The following LRP1 variants were observed in gnomAD, a reference collection of about 807,000 sequenced individuals.
LRP1 encodes the protein prolow-density lipoprotein receptor-related protein 1.
In LRP1, 51 loss-of-function variants were observed where a neutral mutation model predicts 541.5. The observed-to-expected ratio is 0.09, with a 90% confidence interval of 0.08 to 0.12. The LOEUF (loss-of-function observed/expected upper bound fraction) is 0.12, where lower values mean the gene tolerates loss of function less well. LRP1 is among the 10% of genes least tolerant of loss of function. LRP1 has a pLI of 1.00. For synonymous variants in LRP1, 2,219 were observed against 2,470.8 expected, an observed-to-expected ratio of 0.90 and a Z score of 3.02; for missense variants, 3,878 against 6,376.2, an observed-to-expected ratio of 0.61 and a Z score of 13.34.
chr12:57,183,401 C>A lies in LRP1; in HGVS notation c.5685C>A (p.Tyr1895Ter). 1 of 1,613,394 alleles carries A rather than the reference C, an allele frequency of 6.2e-7. No individual in the cohort carries two copies. Reference sequence around the variant, plus strand: ...CAGGCGTAGGTTCCTTTCTCCTGTACTCTGTGCATGAGGGAATCAGGGGAA... The same window carrying A: ...CAGGCGTAGGTTCCTTTCTCCTGTAATCTGTGCATGAGGGAATCAGGGGAA... ...ACEGVGSFLL[Y>*]SVHEGIRGIP... The change falls in exon 35 of 89, where the codon TAC becomes TAA. Residue 1895 changes from tyrosine to a stop codon, truncating the protein, a stop_gained. Coordinates refer to ENST00000243077, the MANE Select transcript of LRP1 (RefSeq NM_002332.3). LOFTEE classifies it high-confidence loss of function. The surrounding 1 kb of genome is among the most constrained non-coding windows in gnomAD (Gnocchi z 6.1).
At position 57,159,883 on chromosome 12, in the gene LRP1, G is replaced by T. The variant is rs535216477; in HGVS notation, c.1857G>T (p.Thr619=). The T allele has an allele frequency of 6.2e-7, 1 of 1,614,216 alleles. No individual in the cohort carries two copies. Among genetic ancestry groups the T allele is most frequent in the South Asian group, 1.1e-5 (1 of 91,084 alleles). The part of the protein sequence containing the change: ...VDWMGDNLYW[T]DDGPKKTISV... ...GGATGGGAGACAATCTGTACTGGAC[G>T]GACGATGGGCCCAAAAAGACAATCA... The change falls in exon 12 of 89, where the codon ACG becomes ACT. Residue 619 remains threonine, a synonymous_variant. Transcript: ENST00000243077.
In LRP1 at chr12:57,183,576, C is replaced by G; in HGVS notation, c.5794+66C>G. 1 of 1,555,496 alleles carries G rather than the reference C, an allele frequency of 6.4e-7. No homozygotes were observed. Among genetic ancestry groups the G allele is most frequent in the East Asian group, 2.3e-5 (1 of 42,858 alleles). On this transcript the variant is annotated intron_variant, in intron 35 of 88. Transcript: ENST00000243077. This position sits in a 1 kb window ranked among gnomAD's most constrained non-coding sequence, Gnocchi z 6.1. ...GAGCTTTAGGGGTGGTGTGGTGTGC[C>G]CTGAGGGTCCAGTGAGAGGCTGCCT...
Position 57,183,865 on chromosome 12 carries a change from A to T in LRP1, c.5885A>T (p.Asn1962Ile). The change falls in exon 36 of 89, where the codon AAT becomes ATT. Residue 1962 changes from asparagine to isoleucine, a missense_variant. Physicochemically the swap from Asn to Ile is moderately radical, Grantham distance 149 (BLOSUM62 -3). Transcript: ENST00000243077. The surrounding 1 kb of genome is among the most constrained non-coding windows in gnomAD (Gnocchi z 6.1). Reference protein sequence around the residue: ...DQTWREDVVTNGIGRVEGIAV... With the variant: ...DQTWREDVVTIGIGRVEGIAV... ...ACGTGGCGTGAAGACGTGGTGACCA[A>T]TGGCATTGGCCGTGTGGAGGGCATT... 6.2e-7 allele frequency: 1 copy of T among 1,614,172 alleles called. No homozygotes were observed. The highest frequency in any genetic ancestry group is 8.5e-7 in the Non-Finnish European group (1 of 1,180,034).
chr12:57,191,827 CCACA>C (rs2036392314), intron 44 of LRP1, among the ~76,000 whole-genome samples: 2 of 92,334 alleles, frequency 2.2e-5, no homozygotes, highest in African/African-American at 4.4e-5. Context: ...ATATACCACA[CCACA>C]CACATACCAC....
intron 18 of LRP1, 136 bp from the exon 19 acceptor site, chr12:57,167,308 G>A: frequency 4.2e-6 from 3 of 712,724 alleles, no homozygotes; most frequent in Non-Finnish European, 2.5e-6. Context: ...CCGAGGCACT[G>A]CTGCGGGGCC....
chr12:57,128,950 G>C lies in LRP1; in HGVS notation c.-15G>C. On this transcript the variant is annotated 5_prime_UTR_variant, in exon 1 of 89. Coordinates refer to ENST00000243077, the MANE Select transcript of LRP1 (RefSeq NM_002332.3). Reference sequence around the variant, plus strand: ...ACCAGAGGGGAAGGGGCTGCTGCTTGCATCAGCCCACACCATGCTGACCCC... The same window carrying C: ...ACCAGAGGGGAAGGGGCTGCTGCTTCCATCAGCCCACACCATGCTGACCCC... The C allele has an allele frequency of 6.5e-7, 1 of 1,541,684 alleles. No individual in the cohort carries two copies. Among genetic ancestry groups the C allele is most frequent in the Non-Finnish European group, 8.8e-7 (1 of 1,139,228 alleles).
rs1315308583 is a variant in LRP1 at position 57,209,146 on chromosome 12, G to C, written c.12209G>C (p.Gly4070Ala). Residue 4070 changes from glycine to alanine, a missense_variant, in exon 79 of 89, where the codon GGC (glycine) becomes GCC (alanine). Transcript: ENST00000243077. The stretch of plus-strand genomic sequence containing the variant: ...GCAGACGCCAAGCTTTCAGTCATCG[G>C]CAGCATCCGGCTCAATGGCACGGAC... ...YWADAKLSVI[G>A]SIRLNGTDPI... 6.2e-7 allele frequency: 1 copy of C among 1,614,110 alleles called. No homozygotes were observed. Among genetic ancestry groups the C allele is most frequent in the East Asian group, 2.2e-5 (1 of 44,876 alleles).
intron 50 of LRP1, 114 bp from the exon 51 acceptor site, chr12:57,194,871 C>T (rs1042654200): frequency 7.0e-6 from 8 of 1,150,968 alleles, no homozygotes; most frequent in African/African-American, 1.5e-5. Context: ...TGCTGCTGAG[C>T]CCCCCCACAG....
chr12:57,170,428 C>A (rs571086647), intron 20 of LRP1, among the ~76,000 whole-genome samples: 1 of 151,972 alleles, frequency 6.6e-6, no homozygotes, highest in South Asian at 2.1e-4. Context: ...CCTATAATCC[C>A]AGCACTCTGG....
In LRP1 at chr12:57,195,746, C is replaced by G. The variant is rs1393104875; in HGVS notation, c.8526C>G (p.Asp2842Glu). 2 of 1,614,230 alleles carry G rather than the reference C, an allele frequency of 1.2e-6. No homozygotes were observed. The highest frequency in any genetic ancestry group is 1.3e-5 in the African/African-American group (1 of 75,064). ...PKHFVCDHDR[D>E]CADGSDESPE... ...ACTTCGTGTGTGACCACGACCGTGA[C>G]TGTGCAGATGGCTCTGATGAGTCCC... The change falls in exon 53 of 89, where the codon GAC becomes GAG. Residue 2842 changes from aspartate to glutamate, a missense_variant. Around this residue, in one of 13 missense-constraint regions of LRP1, gnomAD observed 1,100 missense variants for 1,827.4 expected, o/e 0.60. Coordinates refer to ENST00000243077, the MANE Select transcript of LRP1 (RefSeq NM_002332.3).
intron 68 of LRP1, 126 bp downstream of exon 68, chr12:57,202,663 T>G (rs1186150325): frequency 1.5e-6 from 1 of 666,860 alleles, no homozygotes; most frequent in Admixed American, 2.3e-5. Flanking sequence ...GGAGCCGCCC[T>G]CCTCACCCAT....
Position 57,200,373 on chromosome 12 carries a change from C to T in LRP1, c.10015-69C>T, listed in dbSNP as rs754442598. 8.8e-4 allele frequency: 832 copies of T among 949,940 alleles called. 2 individuals carry two copies. Among genetic ancestry groups the T allele is most frequent in the Non-Finnish European group, 1.3e-3 (752 of 588,844 alleles). The allele number at this position is 949,940 out of a possible 1,614,324, so 58.8% of individuals were successfully genotyped here. A position where few individuals can be genotyped will look rare whatever the true frequency, so the allele number is the denominator to read the frequency against. The stretch of plus-strand genomic sequence containing the variant: ...CTCAACTTCTTTGAAACATCCAAGC[C>T]CCTCAAAAGAAAGACTTCTGAGTCC... On this transcript the variant is annotated intron_variant, in intron 62 of 88. Transcript: ENST00000243077.
chr12:57,138,671 A>G, intron 2 of LRP1, 90 bp downstream of exon 2: 1 of 1,537,062 alleles, frequency 6.5e-7, no homozygotes, highest in Non-Finnish European at 8.9e-7. Flanking sequence ...GCTGATCCCT[A>G]GCCTGATGTG....
At chr12:57,192,481 C>T (rs2036434268) in intron 44 of LRP1, among the ~76,000 whole-genome samples, 1 of 152,180 alleles carries the variant, frequency 6.6e-6, no homozygotes, top group Non-Finnish European at 1.5e-5. Context: ...GTACATGCCC[C>T]AGCGCCCCCC....
chr12:57,206,517 C>T lies in LRP1; in HGVS notation c.11635C>T (p.Arg3879Cys), dbSNP rs1267635358. 3 of 1,614,128 alleles carry T rather than the reference C, an allele frequency of 1.9e-6. No individual in the cohort carries two copies. Among genetic ancestry groups the T allele is most frequent in the African/African-American group, 1.3e-5 (1 of 75,044 alleles). The change falls in exon 76 of 89, where the codon CGC (arginine) becomes TGC (cysteine). Residue 3879 changes from arginine (R) to cysteine (C), a missense_variant. By Grantham distance (180) the Arg-to-Cys change is radical. Transcript: ENST00000243077. The surrounding 1 kb of genome is among the most constrained non-coding windows in gnomAD (Gnocchi z 4.7). The part of the protein sequence containing the change: ...VLYIADDNEI[R>C]SLFPGHPHSA... ...GTACATCGCTGATGACAATGAGATC[C>T]GCAGCCTGTTCCCCGGCCACCCCCA...
chr12:57,191,582 A>C (rs2036380920), intron 44 of LRP1, 70 bp downstream of exon 44: 3 of 1,399,084 alleles, frequency 2.1e-6, no homozygotes, highest in Non-Finnish European at 2.9e-6. Flanking sequence ...CACACACCCC[A>C]CACACACATC....
chr12:57,148,701 AG>A (rs1376919244), intron 6 of LRP1, among the ~76,000 whole-genome samples: 4 of 152,022 alleles, frequency 2.6e-5, no homozygotes, highest in Non-Finnish European at 5.9e-5. Context: ...TGGTGAGGGG[AG>A]GTTCTGAGGT....
intron 43 of LRP1, 77 bp downstream of exon 43, chr12:57,191,086 TCCA>T (rs1194253668): frequency 6.9e-7 from 1 of 1,447,870 alleles, no homozygotes; most frequent in Non-Finnish European, 9.4e-7. Context: ...ACCAAGACCG[TCCA>T]GGCACAGACA....
chr12:57,143,441 CAT>C (rs2035337092), intron 3 of LRP1, among the ~76,000 whole-genome samples: 1 of 152,226 alleles, frequency 6.6e-6, no homozygotes, highest in African/African-American at 2.4e-5. Flanking sequence ...AGAACAGAGA[CAT>C]GTGGGTTCTA....
Sources: allele counts gnomAD v4.1 joint callset (sites outside exome capture counted in the v4.1 genomes callset), GRCh38; gene constraint gnomAD v4.1.1; regional missense constraint gnomAD v4.1.1; non-coding constraint Gnocchi (gnomAD v3.1); transcripts MANE v1.5; gene names NCBI Gene and HGNC (gene_info 2026-07-23, HGNC 2026-07-21).